XYLT1: variants seen among roughly 807,000 people sequenced by gnomAD.
XYLT1 encodes xylosyltransferase 1, also known as beta-D-xylosyltransferase 1.
A neutral mutation model predicts 91.3 loss-of-function variants in XYLT1; 36 were observed. The observed-to-expected ratio is 0.39, with a 90% CI of 0.30 to 0.52. The LOEUF (loss-of-function observed/expected upper bound fraction) is 0.52, where lower values mean the gene tolerates loss of function less well. Ranked by LOEUF, XYLT1 falls within the 20% of genes least tolerant of loss-of-function variation. The probability of loss-of-function intolerance (pLI) is 0.68; values close to 1 mark genes in which losing one functional copy is unlikely to be tolerated. For synonymous variants in XYLT1, 588 were observed against 532.0 expected (o/e 1.11, Z -1.45); for missense variants, 1,242 against 1,284.5 (o/e 0.97, Z 0.51).
chr16:17,426,208 T>C (rs754643250), intron 1 of XYLT1, among the ~76,000 whole-genome samples: 1 of 152,156 alleles, frequency 6.6e-6, no homozygotes, highest in African/African-American at 2.4e-5. Context: ...AAAAGTTACA[T>C]ACAAATAAAC....
At chr16:17,225,688 C>G (rs534753396) in intron 3 of XYLT1, among the ~76,000 whole-genome samples, 1 of 152,120 alleles carries the variant, frequency 6.6e-6, no homozygotes, top group African/African-American at 2.4e-5. Flanking sequence ...ACATTTCCAA[C>G]AGCAAATATG....
chr16:17,319,176 CTG>C (rs1374439848), intron 2 of XYLT1, among the ~76,000 whole-genome samples: 11 of 152,122 alleles, frequency 7.2e-5, no homozygotes, highest in East Asian at 1.9e-4. Context: ...GAGGCAATGA[CTG>C]TGCATTTATT....
chr16:17,175,477 C>T (rs2031921734), intron 5 of XYLT1, among the ~76,000 whole-genome samples: 1 of 152,116 alleles, frequency 6.6e-6, no homozygotes. Flanking sequence ...AGTGACTTGG[C>T]CTAGGTTAGA....
At chr16:17,116,997 G>C (rs4782037) in intron 11 of XYLT1, among the ~76,000 whole-genome samples, 1 of 151,682 alleles carries the variant, frequency 6.6e-6, no homozygotes, top group Admixed American at 6.6e-5. Context: ...TTTGTAAAGA[G>C]CCAGATAGTA....
At chr16:17,295,779 A>G (rs950616936) in intron 2 of XYLT1, among the ~76,000 whole-genome samples, 1 of 152,204 alleles carries the variant, frequency 6.6e-6, no homozygotes, top group African/African-American at 2.4e-5. Flanking sequence ...GGTAGAGTCC[A>G]GAGATGCTGC....
intron 1 of XYLT1, among the ~76,000 whole-genome samples, chr16:17,460,233 G>A (rs536894738): frequency 6.6e-6 from 1 of 152,260 alleles, no homozygotes; most frequent in East Asian, 1.9e-4. Context: ...GCGTGTTATT[G>A]GGGGACAAGG....
intron 2 of XYLT1, chr16:17,355,251 T>G (rs2035278474): frequency 6.5e-6 from 1 of 153,156 alleles, no homozygotes. Context: ...ATGAGGGTTT[T>G]GAAGGGCTGA....
chr16:17,112,337 C>A (rs79349476), intron 11 of XYLT1, among the ~76,000 whole-genome samples: 10 of 151,404 alleles, frequency 6.6e-5, no homozygotes, highest in African/African-American at 2.4e-4. Context: ...ATTGGAACAT[C>A]GCTAACAAAT....
intron 2 of XYLT1, among the ~76,000 whole-genome samples, chr16:17,340,132 C>T (rs1257268791): frequency 1.6e-5 from 2 of 122,698 alleles, no homozygotes; most frequent in African/African-American, 2.6e-5. Context: ...TCCACTCATC[C>T]CTCTATCCAT....
At chr16:17,362,870 C>T (rs760943387) in intron 1 of XYLT1, among the ~76,000 whole-genome samples, 25 of 152,206 alleles carry the variant, frequency 1.6e-4, no homozygotes, top group Non-Finnish European at 3.1e-4. Flanking sequence ...CAGGTATCTC[C>T]GTGAAGCCCA....
chr16:17,381,421 CTTTT>C (rs11299875), intron 1 of XYLT1, among the ~76,000 whole-genome samples: 1 of 130,124 alleles, frequency 7.7e-6, no homozygotes, highest in Non-Finnish European at 1.6e-5. Flanking sequence ...AAGGCAACAC[CTTTT>C]TTTTTTTTTT....
intron 2 of XYLT1, among the ~76,000 whole-genome samples, chr16:17,335,197 C>T (rs554323693): frequency 1.5e-3 from 221 of 151,504 alleles, no homozygotes; most frequent in Non-Finnish European, 2.4e-3. Context: ...CCAGCCTGGG[C>T]GACAGAGTGA....
chr16:17,161,018 TAATA>T (rs1339237802), intron 5 of XYLT1, among the ~76,000 whole-genome samples: 1 of 152,128 alleles, frequency 6.6e-6, no homozygotes, highest in Non-Finnish European at 1.5e-5. Context: ...GCAGTTGGAA[TAATA>T]AATAAGGTCT....
intron 3 of XYLT1, 107 bp from the exon 4 acceptor site, chr16:17,200,761 A>G (rs1567320215): frequency 4.0e-6 from 5 of 1,265,514 alleles, no homozygotes; most frequent in Non-Finnish European, 5.6e-6. Flanking sequence ...TTAGGGGCAC[A>G]GTCATCAAAT....
intron 3 of XYLT1, among the ~76,000 whole-genome samples, chr16:17,201,469 G>A (rs1403888382): frequency 6.6e-6 from 1 of 151,836 alleles, no homozygotes. Flanking sequence ...ACATAAGAGA[G>A]GTTATCTTTT....
intron 2 of XYLT1, among the ~76,000 whole-genome samples, chr16:17,344,392 C>T (rs1022312505): frequency 4.7e-5 from 7 of 150,012 alleles, no homozygotes; most frequent in African/African-American, 1.5e-4. Context: ...ACTCAGGAGG[C>T]TGAGGCAGGA....
intron 9 of XYLT1, 132 bp downstream of exon 9, chr16:17,134,341 C>T: frequency 7.8e-7 from 1 of 1,284,260 alleles, no homozygotes; most frequent in Non-Finnish European, 1.1e-6. Context: ...GAGTTTTGGG[C>T]AAAGGAAGAG....
At chr16:17,379,580 G>C (rs992163679) in intron 1 of XYLT1, among the ~76,000 whole-genome samples, 1 of 152,152 alleles carries the variant, frequency 6.6e-6, no homozygotes, top group African/African-American at 2.4e-5. Flanking sequence ...GGCATGTTGT[G>C]GGGGTAGCTG....
intron 1 of XYLT1, among the ~76,000 whole-genome samples, chr16:17,359,924 C>A (rs1450149737): frequency 1.3e-5 from 2 of 152,154 alleles, no homozygotes; most frequent in Non-Finnish European, 2.9e-5. Context: ...GGGCAGGACC[C>A]ATTTTTGTCT....
Sources: allele counts gnomAD v4.1 joint callset (sites outside exome capture counted in the v4.1 genomes callset), GRCh38; gene constraint gnomAD v4.1.1; transcripts MANE v1.5; gene names NCBI Gene and HGNC (gene_info 2026-07-23, HGNC 2026-07-21).